CAPRIN1: variants seen among roughly 807,000 people sequenced by gnomAD.
CAPRIN1 encodes the protein caprin-1.
A neutral mutation model predicts 100.9 loss-of-function variants in CAPRIN1; 29 were observed. The observed-to-expected ratio is 0.29, with a 90% confidence interval of 0.21 to 0.39. CAPRIN1 has a LOEUF of 0.39. Among genes scored for constraint, CAPRIN1 ranks in the 10% least tolerant of loss-of-function variants. The probability of loss-of-function intolerance (pLI) is 1.00; values close to 1 mark genes in which losing one functional copy is unlikely to be tolerated. For missense variants in CAPRIN1, 795 were observed against 876.7 expected (o/e 0.91, Z 1.18); for synonymous variants, 338 against 307.5 (o/e 1.10, Z -1.04).
intron 2 of CAPRIN1, among the ~76,000 whole-genome samples, chr11:34,065,192 G>A (rs1432626467): frequency 1.3e-5 from 2 of 151,836 alleles, no homozygotes; most frequent in Admixed American, 1.3e-4. Context: ...TCGATCTCCC[G>A]ACCTCGTGAT....
chr11:34,086,334 A>T lies in CAPRIN1; in HGVS notation c.1152A>T (p.Thr384=). Residue 384 remains threonine (T), a synonymous_variant, in exon 11 of 19, where the codon ACA becomes ACT. Coordinates refer to ENST00000341394, the MANE Select transcript of CAPRIN1 (RefSeq NM_005898.5). ...QDSMLDFENQ[T]LDPAIVSAQP... ...CAATGCTGGATTTTGAAAATCAGAC[A>T]CTTGATCCTGCCATTGTATCTGCAC... 2 of 1,613,860 alleles carry T rather than the reference A, an allele frequency of 1.2e-6. No individual in the cohort carries two copies. The highest frequency in any genetic ancestry group is 4.5e-5 in the East Asian group (2 of 44,884).
chr11:34,077,678 G>C (rs1174308513), intron 6 of CAPRIN1, among the ~76,000 whole-genome samples: 1 of 152,096 alleles, frequency 6.6e-6, no homozygotes, highest in African/African-American at 2.4e-5. Flanking sequence ...TGCATTTTTA[G>C]CTATTGGTTG....
At chr11:34,054,358 A>G (rs968019815) in intron 2 of CAPRIN1, among the ~76,000 whole-genome samples, 1 of 152,222 alleles carries the variant, frequency 6.6e-6, no homozygotes. Flanking sequence ...GTTGAATGGA[A>G]TAAGCATGCC....
intron 2 of CAPRIN1, among the ~76,000 whole-genome samples, chr11:34,056,861 C>T (rs1850462519): frequency 6.6e-6 from 1 of 152,146 alleles, no homozygotes; most frequent in Non-Finnish European, 1.5e-5. Context: ...CAAAAATAGC[C>T]TGACAGCTTT....
intron 6 of CAPRIN1, 74 bp downstream of exon 6, chr11:34,076,716 C>G (rs1358952261): frequency 3.1e-6 from 3 of 979,326 alleles, no homozygotes; most frequent in Non-Finnish European, 4.7e-6. Context: ...GTTTATAGTT[C>G]ACTTGGAAGA....
At position 34,098,073 on chromosome 11, in the gene CAPRIN1, T is replaced by TA. The variant is rs1377189651; in HGVS notation, c.2065+313dup. ...CTGCTAAATGTTTTTAGGAAGTACT[T>TA]ACTGAAACATTTTTGTAAGACATTT... On this transcript the variant is annotated intron_variant, in intron 18 of 18. Transcript: ENST00000341394. 4.8e-6 allele frequency: 5 copies of TA among 1,041,754 alleles called. No homozygotes were observed. The African/African-American group carries it at 6.7e-5, about 14-fold the overall frequency. 64.5% of individuals were successfully genotyped at this position (1,041,754 alleles called of 1,614,324 possible).
At chr11:34,052,679 G>T in intron 2 of CAPRIN1, 43 bp downstream of exon 2, 1 of 1,549,916 alleles carries the variant, frequency 6.5e-7, no homozygotes, top group Non-Finnish European at 8.8e-7. Flanking sequence ...CTGCGGCCGG[G>T]CTCTGCGGCC....
At chr11:34,075,886 C>A (rs572496539) in intron 4 of CAPRIN1, among the ~76,000 whole-genome samples, 1 of 152,290 alleles carries the variant, frequency 6.6e-6, no homozygotes, top group East Asian at 1.9e-4. Flanking sequence ...CTGTACCCAG[C>A]TTGTATATTT....
chr11:34,085,167 T>C (rs372292159), intron 9 of CAPRIN1, among the ~76,000 whole-genome samples: 5 of 152,322 alleles, frequency 3.3e-5, no homozygotes, highest in African/African-American at 1.2e-4. Context: ...TAATAAAAGA[T>C]AGGATTTCCT....
At chr11:34,090,731 G>C in intron 14 of CAPRIN1, 53 bp downstream of exon 14, 2 of 1,539,224 alleles carry the variant, frequency 1.3e-6, no homozygotes, top group African/African-American at 1.4e-5. Flanking sequence ...AATCATGGTA[G>C]ATTTTCTTTT....
At chr11:34,088,401 C>A (rs1475273507) in intron 11 of CAPRIN1, among the ~76,000 whole-genome samples, 2 of 152,088 alleles carry the variant, frequency 1.3e-5, no homozygotes, top group Non-Finnish European at 1.5e-5. Context: ...TAGCTCATGC[C>A]TGTAATCTCA....
intron 2 of CAPRIN1, among the ~76,000 whole-genome samples, chr11:34,068,073 A>G (rs1850734347): frequency 6.6e-6 from 1 of 152,180 alleles, no homozygotes; most frequent in African/African-American, 2.4e-5. Flanking sequence ...GTTCGATGAC[A>G]CTGGGGGCCT....
At chr11:34,059,102 A>G (rs1191415810) in intron 2 of CAPRIN1, among the ~76,000 whole-genome samples, 6 of 152,186 alleles carry the variant, frequency 3.9e-5, no homozygotes, top group Non-Finnish European at 4.4e-5. Flanking sequence ...CTTTTGTTAG[A>G]TAGACTATGA....
chr11:34,070,054 T>A (rs1850779415), intron 2 of CAPRIN1, among the ~76,000 whole-genome samples: 1 of 152,232 alleles, frequency 6.6e-6, no homozygotes, highest in South Asian at 2.1e-4. Flanking sequence ...GAACTATGTA[T>A]GTTCATAATT....
At chr11:34,082,763 G>T in intron 7 of CAPRIN1, 62 bp from the exon 8 acceptor site, 1 of 1,166,388 alleles carries the variant, frequency 8.6e-7, no homozygotes, top group South Asian at 1.3e-5. Flanking sequence ...ATATCACACA[G>T]AGTAGAGTAG....
At chr11:34,062,970 T>C (rs1225370180) in intron 2 of CAPRIN1, 2 of 151,452 alleles carry the variant, frequency 1.3e-5, no homozygotes, top group Admixed American at 1.3e-4. Flanking sequence ...TCATCTCTCT[T>C]TGCTATTTAT....
intron 2 of CAPRIN1, among the ~76,000 whole-genome samples, chr11:34,065,515 A>T (rs1458273262): frequency 6.6e-6 from 1 of 152,196 alleles, no homozygotes; most frequent in Non-Finnish European, 1.5e-5. Context: ...GTTTCTAACA[A>T]GGTGCCAGTT....
rs974622233 is a variant in CAPRIN1 at position 34,051,785 on chromosome 11, G to C, written c.-87G>C. ...CAGGGCGAAGCGGCCTGCGCCCACG[G>C]AGCGCGCGACACTGCCCGGAAGGGA... On this transcript the variant is annotated 5_prime_UTR_variant, in exon 1 of 19. Transcript: ENST00000341394. 6.6e-6 allele frequency: 1 copy of C among 152,484 alleles called. No individual in the cohort carries two copies. The highest frequency in any genetic ancestry group is 1.9e-4 in the East Asian group (1 of 5,158). The allele number at this position is 152,484 out of a possible 1,614,324, so 9.4% of individuals were successfully genotyped here.
intron 11 of CAPRIN1, among the ~76,000 whole-genome samples, chr11:34,088,637 CACT>C (rs1851197597): frequency 6.6e-6 from 1 of 152,178 alleles, no homozygotes; most frequent in African/African-American, 2.4e-5. Flanking sequence ...GGCGCCACTG[CACT>C]CCAGCCTGGG....
Sources: gnomAD v4.1 joint callset for allele counts (sites outside exome capture counted in the v4.1 genomes callset) on GRCh38, gnomAD v4.1.1 for gene constraint, MANE v1.5 for transcripts, NCBI Gene and HGNC (gene_info 2026-07-23, HGNC 2026-07-21) for gene names.